Variants in VEGFC observed in about 807,000 individuals in gnomAD.
VEGFC encodes FLT4 ligand DHM.
A neutral mutation model predicts 46.1 loss-of-function variants in VEGFC; 12 were observed. The ratio of observed to expected loss-of-function variants is 0.26; its 90% CI spans 0.17 to 0.42. The LOEUF (loss-of-function observed/expected upper bound fraction) is 0.42. Ranked by LOEUF, VEGFC falls within the 10% of genes least tolerant of loss-of-function variation. The pLI is 1.00. For missense variants in VEGFC, 488 were observed against 529.4 expected, an observed-to-expected ratio of 0.92 and a Z score of 0.77; for synonymous variants, 232 against 195.5, an observed-to-expected ratio of 1.19 and a Z score of -1.56.
At chr4:176,746,708 T>G (rs1735262979) in intron 1 of VEGFC, among the ~76,000 whole-genome samples, 1 of 152,100 alleles carries the variant, frequency 6.6e-6, no homozygotes, top group African/African-American at 2.4e-5. Context: ...ATGCTGTGGT[T>G]TCTAGTATGA....
At chr4:176,712,694 C>T (rs1348333475) in intron 3 of VEGFC, among the ~76,000 whole-genome samples, 1 of 152,076 alleles carries the variant, frequency 6.6e-6, no homozygotes. Context: ...AACTTTCACG[C>T]CATCAGCTGA....
Position 176,792,478 on chromosome 4 carries a change from G to T in VEGFC, c.-167C>A. ...GGCGGGAGCGGGTCCGGGGCTCCGC[G>T]TTCCCAACTTTGCAGGGCGCCCTCC... On this transcript the variant is annotated 5_prime_UTR_variant, in exon 1 of 7. Coordinates refer to ENST00000618562, the MANE Select transcript of VEGFC (RefSeq NM_005429.5). The surrounding 1 kb of genome is among the most constrained non-coding windows in gnomAD (Gnocchi z 6.3). 2.2e-6 allele frequency: 1 copy of T among 463,992 alleles called. No individual in the cohort carries two copies. Among genetic ancestry groups the T allele is most frequent in the Non-Finnish European group, 3.6e-6 (1 of 277,732 alleles). 28.7% of individuals were successfully genotyped at this position (463,992 alleles called of 1,614,324 possible). A position where few individuals can be genotyped will look rare whatever the true frequency, so the allele number is the denominator to read the frequency against.
At chr4:176,688,011 A>C in intron 4 of VEGFC, 84 bp from the exon 5 acceptor site, 2 of 671,476 alleles carry the variant, frequency 3.0e-6, no homozygotes, top group South Asian at 2.2e-5. Context: ...TATCAAAATA[A>C]TGCTCATAGA....
intron 3 of VEGFC, among the ~76,000 whole-genome samples, chr4:176,724,939 G>C (rs1734848287): frequency 6.6e-6 from 1 of 152,136 alleles, no homozygotes; most frequent in Non-Finnish European, 1.5e-5. Flanking sequence ...AGGATGGAGA[G>C]AGGATGGTTG....
At chr4:176,760,322 T>C (rs956939587) in intron 1 of VEGFC, among the ~76,000 whole-genome samples, 1 of 152,194 alleles carries the variant, frequency 6.6e-6, no homozygotes, top group Non-Finnish European at 1.5e-5. Context: ...CCATTTTTAA[T>C]TGAATTTTAT....
intron 4 of VEGFC, among the ~76,000 whole-genome samples, chr4:176,696,471 A>C (rs1734315180): frequency 6.9e-6 from 1 of 145,592 alleles, no homozygotes; most frequent in South Asian, 2.2e-4. Context: ...ACCACTGCTC[A>C]AGGAAATAAA....
chr4:176,774,416 G>C (rs1464234917), intron 1 of VEGFC, among the ~76,000 whole-genome samples: 1 of 152,098 alleles, frequency 6.6e-6, no homozygotes, highest in East Asian at 1.9e-4. Context: ...AGCCAAATGA[G>C]TGAATCACTT....
At chr4:176,695,180 G>A (rs1180577197) in intron 4 of VEGFC, among the ~76,000 whole-genome samples, 1 of 151,704 alleles carries the variant, frequency 6.6e-6, no homozygotes, top group Non-Finnish European at 1.5e-5. Context: ...AAAAATTAAT[G>A]AATCCAGGAG....
intron 4 of VEGFC, among the ~76,000 whole-genome samples, chr4:176,703,284 C>CT (rs1734467063): frequency 6.6e-6 from 1 of 151,964 alleles, no homozygotes; most frequent in Admixed American, 6.6e-5. Context: ...CAACGGAGTA[C>CT]TATTTAGCCA....
intron 1 of VEGFC, among the ~76,000 whole-genome samples, chr4:176,765,391 G>A (rs746709534): frequency 6.6e-6 from 1 of 151,736 alleles, no homozygotes; most frequent in Non-Finnish European, 1.5e-5. Flanking sequence ...TAAAGAAAAA[G>A]GCATATTTAA....
chr4:176,714,286 A>G (rs1450295533), intron 3 of VEGFC, among the ~76,000 whole-genome samples: 1 of 152,108 alleles, frequency 6.6e-6, no homozygotes, highest in Non-Finnish European at 1.5e-5. Flanking sequence ...TGTTTAAAGG[A>G]GTCTGAGACC....
chr4:176,764,631 C>G (rs1735584966), intron 1 of VEGFC, among the ~76,000 whole-genome samples: 1 of 152,110 alleles, frequency 6.6e-6, no homozygotes, highest in Admixed American at 6.6e-5. Context: ...AATGGGTATC[C>G]TGAAAGACAA....
In VEGFC at chr4:176,727,779, G is replaced by A. The variant is rs554908874; in HGVS notation, c.551C>T (p.Thr184Met). 25 of 1,612,300 alleles carry A rather than the reference G, an allele frequency of 1.6e-5. No homozygotes were observed. Among genetic ancestry groups the A allele is most frequent in the Middle Eastern group, 1.7e-4 (1 of 6,048 alleles). The stretch of plus-strand genomic sequence containing the variant: ...GTAGCAGGAATGGGCAATACCCACC[G>A]TCTTGCTGAGGTAGCTCGTGCTGGT... ...MNTSTSYLSK[T>M]LFEITVPLSQ... The change falls in exon 3 of 7, where the codon ACG becomes ATG. Residue 184 changes from threonine (T) to methionine (M), a missense_variant and splice_region_variant. Physicochemically the swap from Thr to Met is moderately conservative, Grantham distance 81. Transcript: ENST00000618562.
chr4:176,728,573 A>T (rs959369939), intron 2 of VEGFC, among the ~76,000 whole-genome samples: 2 of 152,106 alleles, frequency 1.3e-5, no homozygotes, highest in East Asian at 3.9e-4. Flanking sequence ...AATATTTCCT[A>T]TCCCTTTTAA....
chr4:176,700,475 C>T (rs981778670), intron 4 of VEGFC, among the ~76,000 whole-genome samples: 2 of 151,818 alleles, frequency 1.3e-5, no homozygotes, highest in African/African-American at 2.4e-5. Context: ...ATAAACTAAG[C>T]AGTAATCTGC....
chr4:176,765,782 T>C (rs1735610404), intron 1 of VEGFC, among the ~76,000 whole-genome samples: 1 of 152,090 alleles, frequency 6.6e-6, no homozygotes, highest in Admixed American at 6.5e-5. Context: ...CTCAATCTCC[T>C]GACCTCGTGA....
At position 176,692,881 on chromosome 4, in the gene VEGFC, C is replaced by A. The variant is rs1398762611; in HGVS notation, c.705-4954G>T. ...AGCAGGGGCACACTGACACCTCACA[C>A]AGCAGGGTATTCCAACAGACCTGCA... On this transcript the variant is annotated intron_variant, in intron 4 of 6. Transcript: ENST00000618562. 1.0e-4 allele frequency among the ~76,000 whole-genome samples: 15 copies of A among 146,474 alleles called. No individual in the cohort carries two copies. The South Asian group carries it at 1.1e-3, about 10-fold the overall frequency.
chr4:176,707,264 A>T (rs1734550476), intron 4 of VEGFC, among the ~76,000 whole-genome samples: 1 of 152,200 alleles, frequency 6.6e-6, no homozygotes, highest in East Asian at 1.9e-4. Context: ...AAAATGATTG[A>T]ACAATTTTAA....
chr4:176,761,043 A>G (rs1189678699), intron 1 of VEGFC, among the ~76,000 whole-genome samples: 1 of 152,242 alleles, frequency 6.6e-6, no homozygotes, highest in Non-Finnish European at 1.5e-5. Context: ...TCAGAAGTGG[A>G]AGGGGAAAAC....
Sources: gnomAD v4.1 joint callset for allele counts (sites outside exome capture counted in the v4.1 genomes callset) on GRCh38, gnomAD v4.1.1 for gene constraint, Gnocchi (gnomAD v3.1) non-coding constraint, MANE v1.5 for transcripts, NCBI Gene and HGNC (gene_info 2026-07-23, HGNC 2026-07-21) for gene names.